TSNARE1: variants seen among roughly 807,000 people sequenced by gnomAD.
TSNARE1 encodes the protein t-SNARE domain containing 1.
TSNARE1 carries 49 observed loss-of-function variants against 62.0 expected under a neutral mutation model. That is an observed-to-expected ratio of 0.79 (90% CI 0.63 to 1.00). The LOEUF is 1.00. Among genes scored for constraint, TSNARE1 ranks in the 50% least tolerant of loss-of-function variants. The pLI is 0.00. For missense variants in TSNARE1, 755 were observed against 700.1 expected, an observed-to-expected ratio of 1.08 and a Z score of -0.88; for synonymous variants, 328 against 294.4, an observed-to-expected ratio of 1.11 and a Z score of -1.17.
At chr8:142,215,367 G>C (rs1176416643) in intron 13 of TSNARE1, among the ~76,000 whole-genome samples, 1 of 152,148 alleles carries the variant, frequency 6.6e-6, no homozygotes, top group Non-Finnish European at 1.5e-5. Flanking sequence ...CAGTGGACAG[G>C]GTCTAATGCG....
chr8:142,262,094 G>A (rs754826220), intron 12 of TSNARE1, among the ~76,000 whole-genome samples: 20 of 152,316 alleles, frequency 1.3e-4, no homozygotes, highest in South Asian at 6.2e-4. Context: ...AGCAGACACC[G>A]AAGTCCCCTT....
chr8:142,222,464 CCACTCATCCACT>C (rs1563755185), intron 13 of TSNARE1, among the ~76,000 whole-genome samples: 4 of 111,582 alleles, frequency 3.6e-5, no homozygotes, highest in East Asian at 3.0e-4. Flanking sequence ...ACTCACTCAT[CCACTCATCCACT>C]CACTCACTCA....
intron 10 of TSNARE1, among the ~76,000 whole-genome samples, chr8:142,297,645 C>G (rs568060932): frequency 1.3e-5 from 2 of 152,332 alleles, no homozygotes; most frequent in Admixed American, 1.3e-4. Context: ...GCCCACCCCC[C>G]GAGCCCTGCG....
intron 10 of TSNARE1, among the ~76,000 whole-genome samples, chr8:142,296,964 G>A (rs547028716): frequency 1.3e-4 from 20 of 152,308 alleles, no homozygotes; most frequent in African/African-American, 4.6e-4. Context: ...TGGGTCCTCT[G>A]ACAGGCTGTC....
intron 9 of TSNARE1, among the ~76,000 whole-genome samples, chr8:142,307,548 T>C (rs1826893786): frequency 6.6e-6 from 1 of 152,230 alleles, no homozygotes; most frequent in African/African-American, 2.4e-5. Flanking sequence ...CCTATAATAT[T>C]TAATATGATG....
At chr8:142,228,163 A>G (rs1816927580) in intron 13 of TSNARE1, among the ~76,000 whole-genome samples, 1 of 152,242 alleles carries the variant, frequency 6.6e-6, no homozygotes, top group South Asian at 2.1e-4. Context: ...CAGTCTCACA[A>G]GAGACCCAGA....
chr8:142,280,006 C>T (rs1821147991), intron 11 of TSNARE1: 23 of 1,196,888 alleles, frequency 1.9e-5, no homozygotes, highest in Admixed American at 3.7e-5. Context: ...TCGCAGGTCC[C>T]GCCACTTGTG....
intron 9 of TSNARE1, among the ~76,000 whole-genome samples, chr8:142,303,020 T>C (rs1826026748): frequency 6.6e-6 from 1 of 152,120 alleles, no homozygotes. Context: ...GCTCTTGCCA[T>C]GCCCCTCCCG....
intron 1 of TSNARE1, among the ~76,000 whole-genome samples, chr8:142,400,497 T>C (rs146005641): frequency 0.01 from 1,518 of 151,680 alleles, 13 homozygotes; most frequent in East Asian, 0.021. Flanking sequence ...TCCCAGCACT[T>C]TGGGAGGCCG....
rs1056644052 is a variant in TSNARE1, at chr8:142,275,026, G to A, written c.1364-163C>T. 2.7e-5 allele frequency: 27 copies of A among 985,322 alleles called. No homozygotes were observed. The Admixed American group carries it at 4.3e-4, about 16-fold the overall frequency. The allele number at this position is 985,322 out of a possible 1,614,324, so 61.0% of individuals were successfully genotyped here. A position where few individuals can be genotyped will look rare whatever the true frequency, so the allele number is the denominator to read the frequency against. ...GGCTGCCAGACGTGCCGAGGGCTCC[G>A]CGTGGTGTGGGCAGTGGGCAGCAAT... On this transcript the variant is annotated intron_variant, in intron 11 of 13. Transcript: ENST00000524325.
At chr8:142,239,791 C>G (rs1817599933) in intron 12 of TSNARE1, among the ~76,000 whole-genome samples, 1 of 152,192 alleles carries the variant, frequency 6.6e-6, no homozygotes, top group Admixed American at 6.5e-5. Context: ...CCTCCTGATG[C>G]TACTCAAGGG....
At chr8:142,245,928 C>T (rs1817866280) in intron 12 of TSNARE1, among the ~76,000 whole-genome samples, 1 of 152,202 alleles carries the variant, frequency 6.6e-6, no homozygotes, top group South Asian at 2.1e-4. Flanking sequence ...AATACTGAGA[C>T]AAGCTAGGGG....
chr8:142,228,098 T>A (rs1586788873), intron 13 of TSNARE1, among the ~76,000 whole-genome samples: 1 of 152,140 alleles, frequency 6.6e-6, no homozygotes, highest in East Asian at 1.9e-4. Context: ...TTTGAATGGA[T>A]CCTTCAGCCG....
At chr8:142,226,045 T>TGATTTAG (rs1281004876) in intron 13 of TSNARE1, among the ~76,000 whole-genome samples, 1 of 152,190 alleles carries the variant, frequency 6.6e-6, no homozygotes, top group Non-Finnish European at 1.5e-5. Flanking sequence ...GGACACCAGC[T>TGATTTAG]GTCTGATTTA....
chr8:142,277,257 C>T, intron 11 of TSNARE1: 2 of 985,416 alleles, frequency 2.0e-6, no homozygotes, highest in Non-Finnish European at 2.4e-6. Flanking sequence ...TACCCAAGCA[C>T]TAGGCCAGAG....
chr8:142,249,947 G>A (rs1388439284), intron 12 of TSNARE1, among the ~76,000 whole-genome samples: 2 of 152,204 alleles, frequency 1.3e-5, no homozygotes, highest in African/African-American at 4.8e-5. Flanking sequence ...TTAATAGCCT[G>A]GGCTGATGGC....
At position 142,222,103 on chromosome 8, in the gene TSNARE1, C is replaced by CTTCACTCACTCATCCACTCATTT. The variant is rs1554623956; in HGVS notation, c.*11+7369_*11+7370insAAATGAGTGGATGAGTGAGTGAA. 3.7e-4 allele frequency among the ~76,000 whole-genome samples: 4 copies of CTTCACTCACTCATCCACTCATTT among 10,956 alleles called. 2 individuals are homozygous for CTTCACTCACTCATCCACTCATTT. Among genetic ancestry groups the CTTCACTCACTCATCCACTCATTT allele is most frequent in the African/African-American group, 1.1e-3 (2 of 1,778 alleles). 7.2% of individuals were successfully genotyped at this position (10,956 alleles called of 152,430 possible). On this transcript the variant is annotated intron_variant, in intron 13 of 13. Transcript: ENST00000524325. ...CACTCCTTCACTCACTCATCCACTC[C>CTTCACTCACTCATCCACTCATTT]ACTCACTCATCCACTCATTCACTCA...
intron 13 of TSNARE1, among the ~76,000 whole-genome samples, chr8:142,222,616 C>A (rs796693147): frequency 2.2e-5 from 1 of 46,224 alleles, no homozygotes; most frequent in Admixed American, 2.4e-4. Flanking sequence ...ACTCATTCAT[C>A]CACTCACTCA....
intron 1 of TSNARE1, among the ~76,000 whole-genome samples, chr8:142,388,986 C>T (rs28706451): frequency 0.2 from 30,719 of 152,134 alleles, 3,218 homozygotes; most frequent in East Asian, 0.28. Flanking sequence ...GGATAAAGAA[C>T]ACCTGACTCA....
Sources: allele counts gnomAD v4.1 joint callset (sites outside exome capture counted in the v4.1 genomes callset), GRCh38; gene constraint gnomAD v4.1.1; transcripts MANE v1.5; gene names NCBI Gene and HGNC (gene_info 2026-07-23, HGNC 2026-07-21).